Variants in STK3 observed in about 807,000 individuals in gnomAD.
STK3 encodes the protein serine/threonine-protein kinase 3.
In STK3, 41 loss-of-function variants were observed where a neutral mutation model predicts 58.0. The observed-to-expected ratio is 0.71, with a 90% CI of 0.55 to 0.92. The LOEUF (loss-of-function observed/expected upper bound fraction) is 0.92. Ranked by LOEUF, STK3 falls within the 40% of genes least tolerant of loss-of-function variation. The probability of loss-of-function intolerance (pLI) is 0.00; values close to 1 mark genes in which losing one functional copy is unlikely to be tolerated. For missense variants in STK3, 479 were observed against 602.7 expected (o/e 0.79, Z 2.15); for synonymous variants, 170 against 191.0 (o/e 0.89, Z 0.91).
intron 4 of STK3, among the ~76,000 whole-genome samples, chr8:98,724,502 G>A (rs919207835): frequency 6.6e-6 from 1 of 152,220 alleles, no homozygotes; most frequent in Non-Finnish European, 1.5e-5. Context: ...AAAATGGGAA[G>A]TCAGATTAGG....
intron 4 of STK3, among the ~76,000 whole-genome samples, chr8:98,737,065 T>G (rs536126078): frequency 6.6e-6 from 1 of 152,326 alleles, no homozygotes; most frequent in African/African-American, 2.4e-5. Flanking sequence ...CCAACCTTGT[T>G]CTCAACCTAT....
intron 10 of STK3, among the ~76,000 whole-genome samples, chr8:98,525,409 C>T (rs1026086171): frequency 6.0e-5 from 9 of 150,452 alleles, no homozygotes; most frequent in East Asian, 1.9e-4. Context: ...AAACAGCAAT[C>T]GTACCCTTAA....
chr8:98,897,488 G>C (rs576208539), intron 1 of STK3, among the ~76,000 whole-genome samples: 6 of 151,610 alleles, frequency 4.0e-5, no homozygotes, highest in Admixed American at 1.3e-4. Context: ...GCGTGAACTC[G>C]GGAGGCTGAG....
At chr8:98,855,573 G>C (rs1439708867) in intron 3 of STK3, among the ~76,000 whole-genome samples, 2 of 152,164 alleles carry the variant, frequency 1.3e-5, no homozygotes, top group South Asian at 2.1e-4. Flanking sequence ...GAAAATATAG[G>C]GGTATATTTT....
At chr8:98,822,185 A>G (rs1225072914) in intron 1 of STK3, among the ~76,000 whole-genome samples, 1 of 152,276 alleles carries the variant, frequency 6.6e-6, no homozygotes, top group East Asian at 1.9e-4. Context: ...GTAATTGAGA[A>G]GAAATACACA....
chr8:98,604,437 G>A (rs1218176939), intron 6 of STK3, among the ~76,000 whole-genome samples: 4 of 152,156 alleles, frequency 2.6e-5, no homozygotes, highest in Non-Finnish European at 5.9e-5. Flanking sequence ...AGTGCATAGT[G>A]CCAGCTATTG....
chr8:98,835,139 C>G (rs1478271512), intron 3 of STK3, among the ~76,000 whole-genome samples: 1 of 152,134 alleles, frequency 6.6e-6, no homozygotes, highest in Non-Finnish European at 1.5e-5. Context: ...TCATGACTCT[C>G]TGGGCCTAAG....
chr8:98,584,874 T>C (rs1161121052), intron 7 of STK3, among the ~76,000 whole-genome samples: 1 of 151,594 alleles, frequency 6.6e-6, no homozygotes, highest in South Asian at 2.1e-4. Context: ...TTTTCATGTG[T>C]TTTTTAGCTG....
the STK3 span, among the ~76,000 whole-genome samples, chr8:98,346,941 A>G: frequency 6.6e-6 from 1 of 151,894 alleles, no homozygotes; most frequent in Non-Finnish European, 1.5e-5. Flanking sequence ...TTTAAAATAT[A>G]ATTATATTTT....
intron 6 of STK3, among the ~76,000 whole-genome samples, chr8:98,691,729 C>T (rs1587310046): frequency 6.6e-6 from 1 of 151,944 alleles, no homozygotes; most frequent in Non-Finnish European, 1.5e-5. Flanking sequence ...GTCAAGAGAT[C>T]GAGACCATCC....
intron 10 of STK3, among the ~76,000 whole-genome samples, chr8:98,508,622 G>A (rs1824269084): frequency 6.6e-6 from 1 of 152,096 alleles, no homozygotes; most frequent in Non-Finnish European, 1.5e-5. Flanking sequence ...AAATGGGTGA[G>A]TTATATGGTG....
chr8:98,940,501 G>T (rs1481088129), intron 1 of STK3, among the ~76,000 whole-genome samples: 1 of 152,196 alleles, frequency 6.6e-6, no homozygotes, highest in Admixed American at 6.5e-5. Flanking sequence ...CTCGCAGGCT[G>T]GTGGCCGGAA....
intron 1 of STK3, among the ~76,000 whole-genome samples, chr8:98,447,389 A>G (rs955102473): frequency 5.3e-5 from 8 of 152,078 alleles, no homozygotes; most frequent in African/African-American, 1.4e-4. Context: ...TTATATTTTT[A>G]TAACAACCTC....
chr8:98,478,711 T>C (rs980270948), intron 10 of STK3, among the ~76,000 whole-genome samples: 3 of 152,220 alleles, frequency 2.0e-5, no homozygotes, highest in Admixed American at 1.3e-4. Flanking sequence ...TATAAACACA[T>C]GTCACAGAGA....
Position 98,657,169 on chromosome 8 carries a change from G to A in STK3, c.684+49298C>T, listed in dbSNP as rs868072648. Among the ~76,000 whole-genome samples the A allele has an allele frequency of 1.4e-4, 21 of 152,038 alleles. 1 individual carries two copies. Among genetic ancestry groups the A allele is most frequent in the African/African-American group, 4.8e-4 (20 of 41,514 alleles). On this transcript the variant is annotated intron_variant, in intron 6 of 10. Coordinates refer to ENST00000419617, the MANE Select transcript of STK3 (RefSeq NM_006281.4). ...TAATATATACATAACAGTCAAGACC[G>A]ACCTCTGATTTTGACAATAATGGCC...
intron 8 of STK3, among the ~76,000 whole-genome samples, chr8:98,556,441 C>G (rs964282423): frequency 6.6e-6 from 1 of 152,026 alleles, no homozygotes; most frequent in African/African-American, 2.4e-5. Flanking sequence ...AATTAAGATG[C>G]CCTTGCTCCT....
chr8:98,709,973 G>A (rs1463582519), intron 4 of STK3, among the ~76,000 whole-genome samples: 1 of 151,994 alleles, frequency 6.6e-6, no homozygotes, highest in Non-Finnish European at 1.5e-5. Flanking sequence ...TTTTGCACCA[G>A]CCTAATACTT....
intron 2 of STK3, among the ~76,000 whole-genome samples, chr8:98,378,702 T>C (rs1259230121): frequency 6.6e-6 from 1 of 152,196 alleles, no homozygotes; most frequent in Non-Finnish European, 1.5e-5. Flanking sequence ...ATGATTATTA[T>C]TAATTTCAGG....
chr8:98,578,994 T>C (rs958780605), intron 8 of STK3, among the ~76,000 whole-genome samples: 103 of 151,920 alleles, frequency 6.8e-4, no homozygotes, highest in African/African-American at 2.3e-3. Context: ...CTATTAAAAA[T>C]ACAAAAATTA....
Sources: gnomAD v4.1 joint callset for allele counts (sites outside exome capture counted in the v4.1 genomes callset) on GRCh38, gnomAD v4.1.1 for gene constraint, MANE v1.5 for transcripts, NCBI Gene and HGNC (gene_info 2026-07-23, HGNC 2026-07-21) for gene names.